Variants in GRM1 observed in about 807,000 individuals in gnomAD.
GRM1 encodes glutamate metabotropic receptor 1.
A neutral mutation model predicts 90.9 loss-of-function variants in GRM1; 33 were observed. That is an observed-to-expected ratio of 0.36 (90% confidence interval 0.28 to 0.49). The LOEUF (loss-of-function observed/expected upper bound fraction) is 0.49, where lower values mean the gene tolerates loss of function less well. Ranked by LOEUF, GRM1 falls within the 20% of genes least tolerant of loss-of-function variation. The pLI is 0.99. For synonymous variants in GRM1, 700 were observed against 613.2 expected (o/e 1.14, Z -2.09); for missense variants, 1,190 against 1,534.3 (o/e 0.78, Z 3.75).
chr6:146,312,876 G>C (rs1025379746), intron 3 of GRM1, among the ~76,000 whole-genome samples: 8 of 152,186 alleles, frequency 5.3e-5, no homozygotes, highest in Non-Finnish European at 2.9e-5. Flanking sequence ...GCCCAACATA[G>C]GGTGGACTGG....
intron 1 of GRM1, among the ~76,000 whole-genome samples, chr6:146,038,367 G>A (rs921963456): frequency 6.6e-6 from 1 of 151,976 alleles, no homozygotes; most frequent in African/African-American, 2.4e-5. Context: ...AATAGAATTA[G>A]GCATGCTTAG....
intron 1 of GRM1, among the ~76,000 whole-genome samples, chr6:146,148,994 T>C (rs1777216114): frequency 6.6e-6 from 1 of 152,196 alleles, no homozygotes; most frequent in African/African-American, 2.4e-5. Context: ...CTGGGTTTTT[T>C]TCCAAGAATG....
chr6:146,122,835 CTTTCTTTTTTT>C (rs1477622602), intron 1 of GRM1, among the ~76,000 whole-genome samples: 10 of 101,768 alleles, frequency 9.8e-5, no homozygotes, highest in Non-Finnish European at 1.8e-4. Flanking sequence ...CTTTTCTTTT[CTTTCTTTTTTT>C]TTTTTTTTTT....
intron 7 of GRM1, among the ~76,000 whole-genome samples, chr6:146,402,366 G>A (rs1777187924): frequency 6.6e-6 from 1 of 152,080 alleles, no homozygotes; most frequent in South Asian, 2.1e-4. Flanking sequence ...GTAACTATGT[G>A]AGACTGTAAT....
chr6:146,132,760 G>GGA (rs1776458668), intron 1 of GRM1, among the ~76,000 whole-genome samples: 1 of 152,096 alleles, frequency 6.6e-6, no homozygotes, highest in African/African-American at 2.4e-5. Context: ...TCTTAACTGG[G>GGA]TGTAGATATT....
chr6:146,344,708 A>G (rs1369285305), intron 3 of GRM1, among the ~76,000 whole-genome samples: 1 of 152,234 alleles, frequency 6.6e-6, no homozygotes, highest in African/African-American at 2.4e-5. Flanking sequence ...ACAGAGTGTC[A>G]TTATTTAACT....
intron 6 of GRM1, among the ~76,000 whole-genome samples, chr6:146,387,480 G>A (rs1023121811): frequency 8.6e-5 from 13 of 151,492 alleles, no homozygotes; most frequent in Non-Finnish European, 1.6e-4. Context: ...TAATCATCCC[G>A]GCTTTTATTT....
intron 7 of GRM1, among the ~76,000 whole-genome samples, chr6:146,405,694 GTT>G (rs920794992): frequency 6.9e-6 from 1 of 145,324 alleles, no homozygotes; most frequent in African/African-American, 2.8e-5. Flanking sequence ...GCTCTGTTGT[GTT>G]TTTTTGTTTG....
At chr6:146,081,351 G>A (rs568456357) in intron 1 of GRM1, among the ~76,000 whole-genome samples, 2 of 152,276 alleles carry the variant, frequency 1.3e-5, no homozygotes, top group South Asian at 4.1e-4. Flanking sequence ...GTTTAGAGCA[G>A]ACTGGGTCAT....
chr6:146,425,136 A>G (rs1778151235), intron 7 of GRM1, among the ~76,000 whole-genome samples: 1 of 152,246 alleles, frequency 6.6e-6, no homozygotes, highest in East Asian at 1.9e-4. Flanking sequence ...ATGCACCTTT[A>G]AATGATTTCA....
chr6:146,268,698 G>A (rs1200649227), intron 2 of GRM1, among the ~76,000 whole-genome samples: 1 of 152,062 alleles, frequency 6.6e-6, no homozygotes, highest in African/African-American at 2.4e-5. Flanking sequence ...TTGTCAACTG[G>A]ATATGACCTT....
chr6:146,263,617 G>A (rs1302610840), intron 2 of GRM1, among the ~76,000 whole-genome samples: 1 of 151,914 alleles, frequency 6.6e-6, no homozygotes, highest in Non-Finnish European at 1.5e-5. Flanking sequence ...TTTGCTTATT[G>A]CTTTAGTACA....
chr6:146,332,867 C>T (rs973557005), intron 3 of GRM1, among the ~76,000 whole-genome samples: 1 of 152,124 alleles, frequency 6.6e-6, no homozygotes, highest in Non-Finnish European at 1.5e-5. Flanking sequence ...CAAAATATAA[C>T]TCTCAGAGGG....
chr6:146,152,868 T>G (rs1049075296), intron 1 of GRM1, among the ~76,000 whole-genome samples: 5 of 152,214 alleles, frequency 3.3e-5, no homozygotes, highest in African/African-American at 1.2e-4. Flanking sequence ...GCCTTTTTAT[T>G]TCTTAAGTGT....
intron 1 of GRM1, among the ~76,000 whole-genome samples, chr6:146,151,266 TACAA>T (rs1193270779): frequency 6.6e-6 from 1 of 152,194 alleles, no homozygotes; most frequent in African/African-American, 2.4e-5. Flanking sequence ...AGTGAAAGTG[TACAA>T]ACAAATATCT....
chr6:146,381,823 C>T (rs1776329686), intron 5 of GRM1, among the ~76,000 whole-genome samples: 1 of 151,940 alleles, frequency 6.6e-6, no homozygotes. Context: ...GTTACTTTTC[C>T]ACCATTATGT....
At chr6:146,159,629 T>TCC (rs1777640059) in intron 2 of GRM1, 32 bp downstream of exon 2, 1 of 1,516,248 alleles carries the variant, frequency 6.6e-7, no homozygotes, top group Non-Finnish European at 9.0e-7. Flanking sequence ...TCTCTCTCTC[T>TCC]CTCTCTCTCT....
intron 5 of GRM1, among the ~76,000 whole-genome samples, chr6:146,361,467 C>G (rs1775467643): frequency 6.6e-6 from 1 of 152,028 alleles, no homozygotes. Flanking sequence ...TGCTGTTTTC[C>G]TTGCTGTAGT....
chr6:146,431,840 G>A (rs1778420950), intron 7 of GRM1, among the ~76,000 whole-genome samples: 1 of 152,150 alleles, frequency 6.6e-6, no homozygotes, highest in Non-Finnish European at 1.5e-5. Flanking sequence ...TGCCTTTCTA[G>A]AAGAGGCATA....
Sources: allele counts gnomAD v4.1 joint callset (sites outside exome capture counted in the v4.1 genomes callset), GRCh38; gene constraint gnomAD v4.1.1; transcripts MANE v1.5; gene names NCBI Gene and HGNC (gene_info 2026-07-23, HGNC 2026-07-21).